Variants in SNTB2 observed in about 807,000 individuals in gnomAD.
SNTB2 encodes syntrophin beta 2.
SNTB2 carries 34 observed loss-of-function variants against 46.2 expected under a neutral mutation model. The observed-to-expected ratio is 0.74, with a 90% confidence interval of 0.56 to 0.98. SNTB2 has a LOEUF of 0.98. SNTB2 is among the 50% of genes least tolerant of loss of function. SNTB2 has a pLI of 0.00. For missense variants in SNTB2, 603 were observed against 731.4 expected (o/e 0.82, Z 2.02); for synonymous variants, 290 against 312.6 (o/e 0.93, Z 0.76).
intron 1 of SNTB2, among the ~76,000 whole-genome samples, chr16:69,192,955 T>C (rs1466665237): frequency 6.6e-6 from 1 of 152,242 alleles, no homozygotes; most frequent in African/African-American, 2.4e-5. Context: ...TTGGTTTTTC[T>C]ACATTTTTCT....
At chr16:69,191,939 C>T (rs182529121) in intron 1 of SNTB2, among the ~76,000 whole-genome samples, 17 of 152,248 alleles carry the variant, frequency 1.1e-4, no homozygotes, top group Non-Finnish European at 1.9e-4. Context: ...CCGCACCTGG[C>T]CTTGTTTTGT....
chr16:69,229,615 G>A (rs1039332834), intron 1 of SNTB2, among the ~76,000 whole-genome samples: 2 of 150,598 alleles, frequency 1.3e-5, no homozygotes, highest in Admixed American at 6.6e-5. Context: ...CGAGGTGGGC[G>A]GATCACGAGG....
chr16:69,243,082 T>C (rs574011358), intron 1 of SNTB2, among the ~76,000 whole-genome samples: 28 of 151,692 alleles, frequency 1.8e-4, no homozygotes, highest in Non-Finnish European at 3.1e-4. Flanking sequence ...CTTCAGCATC[T>C]GAACACTCAA....
At chr16:69,197,477 T>C (rs1368972292) in intron 1 of SNTB2, among the ~76,000 whole-genome samples, 1 of 152,244 alleles carries the variant, frequency 6.6e-6, no homozygotes, top group Non-Finnish European at 1.5e-5. Flanking sequence ...ATTTTATTAG[T>C]AATATAACTG....
intron 1 of SNTB2, among the ~76,000 whole-genome samples, chr16:69,235,084 C>T (rs963021727): frequency 6.6e-6 from 1 of 151,816 alleles, no homozygotes; most frequent in Non-Finnish European, 1.5e-5. Flanking sequence ...AATTTTGGCT[C>T]ACTGCAGCCT....
intron 1 of SNTB2, among the ~76,000 whole-genome samples, chr16:69,236,707 A>G (rs996350414): frequency 4.0e-5 from 6 of 150,860 alleles, no homozygotes; most frequent in African/African-American, 1.5e-4. Context: ...AGCAGCAGCC[A>G]CTACAGTGGC....
chr16:69,247,736 G>A (rs1254703338), intron 2 of SNTB2, among the ~76,000 whole-genome samples: 1 of 152,162 alleles, frequency 6.6e-6, no homozygotes. Flanking sequence ...GGTACTTAGT[G>A]TGCAGATTAA....
At chr16:69,259,301 C>G (rs1392669111) in intron 2 of SNTB2, among the ~76,000 whole-genome samples, 1 of 125,794 alleles carries the variant, frequency 7.9e-6, no homozygotes, top group Non-Finnish European at 1.6e-5. Flanking sequence ...GGCTGGATCT[C>G]GGCTCACTGC....
intron 1 of SNTB2, among the ~76,000 whole-genome samples, chr16:69,231,965 A>G (rs1964509987): frequency 1.3e-5 from 2 of 152,180 alleles, no homozygotes. Context: ...AGTTTACCAT[A>G]TTAGATCAGT....
At position 69,247,271 on chromosome 16, in the gene SNTB2, T is replaced by C. The variant is rs564794858; in HGVS notation, c.794+1456T>C. On this transcript the variant is annotated intron_variant, in intron 2 of 6. Transcript: ENST00000336278. ...AATGAGAAAATTAGATTGGATAATT[T>C]CTGATGTCCCTCCTAGTTCTATAAT... Among the ~76,000 whole-genome samples the C allele has an allele frequency of 2.6e-5, 4 of 152,180 alleles. No homozygotes were observed. The South Asian group carries it at 8.3e-4, about 32-fold the overall frequency.
intron 5 of SNTB2, 103 bp from the exon 6 acceptor site, chr16:69,299,487 C>T (rs1965259327): frequency 1.7e-6 from 2 of 1,166,010 alleles, no homozygotes; most frequent in African/African-American, 1.5e-5. Context: ...ATCACACATT[C>T]TCAAGAAAAT....
rs1345767187 is a variant in SNTB2 at position 69,306,485 on chromosome 16, T to G, written c.*5561T>G. 6.6e-6 allele frequency: 1 copy of G among 152,268 alleles called. No individual in the cohort carries two copies. The highest frequency in any genetic ancestry group is 1.5e-5 in the Non-Finnish European group (1 of 68,050). The allele number at this position is 152,268 out of a possible 1,614,324, so 9.4% of individuals were successfully genotyped here. A position where few individuals can be genotyped will look rare whatever the true frequency, so the allele number is the denominator to read the frequency against. Reference sequence around the variant, plus strand: ...AAATATGCCTTTTGCAAATTATTGCTTGTTCTCCAGTGAACATTTGATCAT... The same window carrying G: ...AAATATGCCTTTTGCAAATTATTGCGTGTTCTCCAGTGAACATTTGATCAT... On this transcript the variant is annotated 3_prime_UTR_variant, in exon 7 of 7. Transcript: ENST00000336278.
intron 2 of SNTB2, among the ~76,000 whole-genome samples, chr16:69,259,257 T>G (rs1964810619): frequency 7.0e-6 from 1 of 142,390 alleles, no homozygotes; most frequent in African/African-American, 2.6e-5. Flanking sequence ...TTTTTTTTTT[T>G]TTTTTTTGAG....
chr16:69,246,081 G>A (rs1006932871), intron 2 of SNTB2, among the ~76,000 whole-genome samples: 7 of 151,946 alleles, frequency 4.6e-5, no homozygotes, highest in Non-Finnish European at 7.4e-5. Flanking sequence ...AAGAAAGAGG[G>A]GGCATCTTTT....
At position 69,187,190 on chromosome 16, in the gene SNTB2, G is replaced by T. The variant is rs745407883; in HGVS notation, c.24G>T (p.Ala8=). Residue 8 remains alanine (A), a synonymous_variant, in exon 1 of 7, where the codon GCG becomes GCT. Coordinates refer to ENST00000336278, the MANE Select transcript of SNTB2 (RefSeq NM_006750.4). MRVAAAT[A]AAGAGPAMAV... is the part of the protein sequence containing the mutation. ...GAATGAGGGTAGCTGCGGCGACTGC[G>T]GCGGCTGGAGCGGGGCCGGCCATGG... The T allele has an allele frequency of 1.4e-6, 2 of 1,380,856 alleles. No homozygotes were observed. Among genetic ancestry groups the T allele is most frequent in the Admixed American group, 6.4e-5 (2 of 31,028 alleles). The allele number at this position is 1,380,856 out of a possible 1,614,324, so 85.5% of individuals were successfully genotyped here.
intron 1 of SNTB2, among the ~76,000 whole-genome samples, chr16:69,227,624 T>C (rs1278706313): frequency 1.3e-5 from 2 of 152,164 alleles, no homozygotes; most frequent in African/African-American, 4.8e-5. Context: ...GTGTTGTAAT[T>C]ATTGTTGACT....
intron 1 of SNTB2, chr16:69,235,812 C>CTT: frequency 7.8e-7 from 1 of 1,289,344 alleles, no homozygotes; most frequent in Non-Finnish European, 1.0e-6. Flanking sequence ...TACTAAGTTT[C>CTT]TTCAAATATC....
intron 1 of SNTB2, among the ~76,000 whole-genome samples, chr16:69,228,505 C>CA (rs778681180): frequency 0.074 from 3,627 of 49,222 alleles, 268 homozygotes; most frequent in African/African-American, 0.18. Flanking sequence ...GACTCTATCT[C>CA]AAAAAAAAAA....
intron 4 of SNTB2, among the ~76,000 whole-genome samples, chr16:69,281,236 T>TC (rs1965039878): frequency 1.3e-5 from 2 of 151,354 alleles, no homozygotes; most frequent in African/African-American, 4.8e-5. Flanking sequence ...GTTATAGATT[T>TC]TTTTTTTTTT....
Sources: gnomAD v4.1 joint callset for allele counts (sites outside exome capture counted in the v4.1 genomes callset) on GRCh38, gnomAD v4.1.1 for gene constraint, MANE v1.5 for transcripts, NCBI Gene and HGNC (gene_info 2026-07-23, HGNC 2026-07-21) for gene names.